The following CCDC27 variants were observed in gnomAD, a reference collection of about 807,000 sequenced individuals.
CCDC27 encodes coiled-coil domain-containing protein 27.
Under a neutral mutation model 80.3 loss-of-function variants are expected in CCDC27, and 80 were observed. The ratio of observed to expected loss-of-function variants is 1.00; its 90% CI spans 0.83 to 1.20. The LOEUF (loss-of-function observed/expected upper bound fraction) is 1.20. CCDC27 is among the 50% of genes most tolerant of loss of function. CCDC27 has a pLI of 0.00. For synonymous variants in CCDC27, 342 were observed against 334.3 expected (o/e 1.02, Z -0.25); for missense variants, 815 against 809.4 (o/e 1.01, Z -0.08).
rs1235445020 is a variant in CCDC27 at position 3,760,908 on chromosome 1, C to A, written c.712-373C>A. Among the ~76,000 whole-genome samples the A allele has an allele frequency of 6.6e-6, 1 of 152,136 alleles. No homozygotes were observed. Among genetic ancestry groups the A allele is most frequent in the Non-Finnish European group, 1.5e-5 (1 of 68,036 alleles). On this transcript the variant is annotated intron_variant, in intron 4 of 11. Transcript: ENST00000294600. The surrounding 1 kb of genome is among the most constrained non-coding windows in gnomAD (Gnocchi z 4.3). ...CCCTAGGGAAGCTTGGAGGGTGTTG[C>A]CGGTTAAGTGTCGGGGCTGCAAAGA... is the stretch of plus-strand genomic sequence containing the variant.
Position 3,763,284 on chromosome 1 carries a change from A to C in CCDC27, c.1131A>C (p.Glu377Asp), listed in dbSNP as rs184002848. The stretch of plus-strand genomic sequence containing the variant: ...GAAGCGAGGAGGAGGAAGAGGAGGA[A>C]GGGGACAGGGATGAGGACTCAGAGG... ...EEGSEEEEEEEGDRDEDSEER... is the reference protein window; with the variant it reads ...EEGSEEEEEEDGDRDEDSEER... Residue 377 changes from glutamate to aspartate, a missense_variant, in exon 7 of 12, where the codon GAA becomes GAC. Transcript: ENST00000294600. The surrounding 1 kb of genome is among the most constrained non-coding windows in gnomAD (Gnocchi z 7.5). 2.5e-6 allele frequency: 4 copies of C among 1,596,456 alleles called. No individual in the cohort carries two copies. In the East Asian group the frequency reaches 9.0e-5, roughly 36 times the overall value.
In CCDC27 at chr1:3,763,609, G is replaced by T; in HGVS notation, c.1322-97G>T. 1 of 1,573,816 alleles carries T rather than the reference G, an allele frequency of 6.4e-7. No individual in the cohort carries two copies. Among genetic ancestry groups the T allele is most frequent in the Non-Finnish European group, 8.7e-7 (1 of 1,153,158 alleles). ...GGTGTCGGCAGCCTCACCCAGGCTG[G>T]CAGAGCCCTCCCAGCTGCCGCAGTG... is the stretch of plus-strand genomic sequence containing the variant. On this transcript the variant is annotated intron_variant, in intron 7 of 11. Coordinates refer to ENST00000294600, the MANE Select transcript of CCDC27 (RefSeq NM_152492.3). The surrounding 1 kb of genome is among the most constrained non-coding windows in gnomAD (Gnocchi z 7.5).
intron 5 of CCDC27, among the ~76,000 whole-genome samples, chr1:3,762,334 A>G (rs1181881): frequency 0.4 from 61,344 of 152,022 alleles, 12,578 homozygotes; most frequent in Middle Eastern, 0.5. Context: ...TGACATGCAC[A>G]GTGGGCGTGT....
rs770270085 is a variant in CCDC27 at position 3,766,630 on chromosome 1, G to A, written c.1530+18G>A. ...TCCGACAGGTGACAGCCTGGGTGTCGTTAAATGATCAGCCAGGCCACTGTT... is the reference window on the plus strand; with the variant it reads ...TCCGACAGGTGACAGCCTGGGTGTCATTAAATGATCAGCCAGGCCACTGTT... On this transcript the variant is annotated intron_variant, in intron 9 of 11. Coordinates refer to ENST00000294600, the MANE Select transcript of CCDC27 (RefSeq NM_152492.3). The surrounding 1 kb of genome is among the most constrained non-coding windows in gnomAD (Gnocchi z 6.1). 73 of 1,599,228 alleles carry A rather than the reference G, an allele frequency of 4.6e-5. No individual in the cohort carries two copies. Among genetic ancestry groups the A allele is most frequent in the South Asian group, 3.6e-4 (33 of 90,516 alleles).
Position 3,760,994 on chromosome 1 carries a change from G to C in CCDC27, c.712-287G>C, listed in dbSNP as rs1274969048. On this transcript the variant is annotated intron_variant, in intron 4 of 11. Coordinates refer to ENST00000294600, the MANE Select transcript of CCDC27 (RefSeq NM_152492.3). The surrounding 1 kb of genome is among the most constrained non-coding windows in gnomAD (Gnocchi z 4.3). ...CACACCACGGGCCAGGTCCGAAAGG[G>C]AAGCTGCCTTGCAACTCCTCGGACG... Among the ~76,000 whole-genome samples the C allele has an allele frequency of 6.6e-6, 1 of 152,186 alleles. No homozygotes were observed. The highest frequency in any genetic ancestry group is 1.5e-5 in the Non-Finnish European group (1 of 68,028).
At chr1:3,770,878 G>A (rs1188457436) in intron 11 of CCDC27, among the ~76,000 whole-genome samples, 1 of 152,206 alleles carries the variant, frequency 6.6e-6, no homozygotes, top group African/African-American at 2.4e-5. Flanking sequence ...CCGCACAGTA[G>A]CCAGGGAAGA....
chr1:3,763,522 C>T lies in CCDC27; in HGVS notation c.1321+48C>T, dbSNP rs41300096. On this transcript the variant is annotated intron_variant, in intron 7 of 11. Transcript: ENST00000294600. The surrounding 1 kb of genome is among the most constrained non-coding windows in gnomAD (Gnocchi z 7.5). ...TGGGCTTTGGCCACTCAGTGGTTCC[C>T]GGCCCAGGAGCTGGGACGCCCAGAC... 0.01 allele frequency: 15,937 copies of T among 1,552,108 alleles called. 105 individuals are homozygous for T. The highest frequency in any genetic ancestry group is 0.013 in the Non-Finnish European group (14,404 of 1,148,634).
rs1481247406 is a variant in CCDC27 at position 3,758,283 on chromosome 1, G to A, written c.711+1393G>A. Reference sequence around the variant, plus strand: ...AGCTCGCTGCCACCTCTGCCTCCCGGGTTCAAGCAATTCTCCTGCCTCAGC... The same window carrying A: ...AGCTCGCTGCCACCTCTGCCTCCCGAGTTCAAGCAATTCTCCTGCCTCAGC... On this transcript the variant is annotated intron_variant, in intron 4 of 11. Transcript: ENST00000294600. Among the ~76,000 whole-genome samples, 20 of 151,970 alleles carry A rather than the reference G, an allele frequency of 1.3e-4. 1 individual carries two copies. The highest frequency in any genetic ancestry group is 1.3e-3 in the Admixed American group (20 of 15,278).
intron 6 of CCDC27, 46 bp downstream of exon 6, chr1:3,762,758 C>A: frequency 6.7e-7 from 1 of 1,497,956 alleles, no homozygotes; most frequent in Non-Finnish European, 9.1e-7. Context: ...GACCCGGGCC[C>A]AGGAGCCACC....
rs932424391 is a variant in CCDC27, at chr1:3,761,771, C to T, written c.861+341C>T. 7.2e-5 allele frequency among the ~76,000 whole-genome samples: 11 copies of T among 152,290 alleles called. No individual in the cohort carries two copies. The highest frequency in any genetic ancestry group is 2.6e-4 in the Admixed American group (4 of 15,294). ...TGAATGGGGCAAGGCACAACGCTGT[C>T]GGGGCTCAGGGTCCTTATCCATAAA... is the stretch of plus-strand genomic sequence containing the variant. On this transcript the variant is annotated intron_variant, in intron 5 of 11. Transcript: ENST00000294600. This position sits in a 1 kb window ranked among gnomAD's most constrained non-coding sequence, Gnocchi z 5.0.
Position 3,761,836 on chromosome 1 carries a change from G to T in CCDC27, c.861+406G>T, listed in dbSNP as rs1643094463. 6.6e-6 allele frequency among the ~76,000 whole-genome samples: 1 copy of T among 152,192 alleles called. No homozygotes were observed. The highest frequency in any genetic ancestry group is 2.1e-4 in the South Asian group (1 of 4,830). ...CACCTGTGAAATCCTGGGGCATGGA[G>T]GCCACCCTGCAGGCGGATTCCCCGG... On this transcript the variant is annotated intron_variant, in intron 5 of 11. Transcript: ENST00000294600. This position sits in a 1 kb window ranked among gnomAD's most constrained non-coding sequence, Gnocchi z 5.0.
intron 8 of CCDC27, among the ~76,000 whole-genome samples, chr1:3,764,499 A>G (rs6669358): frequency 0.29 from 44,324 of 151,908 alleles, 7,189 homozygotes; most frequent in African/African-American, 0.42. Flanking sequence ...CCGCCCCCCA[A>G]CACACACAAG....
rs778739204 is a variant in CCDC27, at chr1:3,763,521, C to T, written c.1321+47C>T. 6.4e-7 allele frequency: 1 copy of T among 1,553,230 alleles called. No homozygotes were observed. Among genetic ancestry groups the T allele is most frequent in the African/African-American group, 1.4e-5 (1 of 73,470 alleles). ...CTGGGCTTTGGCCACTCAGTGGTTC[C>T]CGGCCCAGGAGCTGGGACGCCCAGA... On this transcript the variant is annotated intron_variant, in intron 7 of 11. Transcript: ENST00000294600. This position sits in a 1 kb window ranked among gnomAD's most constrained non-coding sequence, Gnocchi z 7.5.
Position 3,771,619 on chromosome 1 carries a change from G to C in CCDC27, c.*96G>C, listed in dbSNP as rs1471975171. 7.2e-7 allele frequency: 1 copy of C among 1,387,286 alleles called. No homozygotes were observed. Among genetic ancestry groups the C allele is most frequent in the Non-Finnish European group, 9.9e-7 (1 of 1,010,560 alleles). The allele number at this position is 1,387,286 out of a possible 1,614,324, so 85.9% of individuals were successfully genotyped here. On this transcript the variant is annotated 3_prime_UTR_variant, in exon 12 of 12. Coordinates refer to ENST00000294600, the MANE Select transcript of CCDC27 (RefSeq NM_152492.3). ...ACCATGCGTCCTGCTCTCAGACTCA[G>C]AATTAAACCCCGGTGTTGGCACTGT...
chr1:3,766,156 G>T lies in CCDC27; in HGVS notation c.1453-379G>T, dbSNP rs1354246170. 6.6e-6 allele frequency among the ~76,000 whole-genome samples: 1 copy of T among 152,232 alleles called. No homozygotes were observed. The highest frequency in any genetic ancestry group is 1.5e-5 in the Non-Finnish European group (1 of 68,046). On this transcript the variant is annotated intron_variant, in intron 8 of 11. Coordinates refer to ENST00000294600, the MANE Select transcript of CCDC27 (RefSeq NM_152492.3). The surrounding 1 kb of genome is among the most constrained non-coding windows in gnomAD (Gnocchi z 6.1). The stretch of plus-strand genomic sequence containing the variant: ...GCTGGGATTACAGGTGTGAGCCACT[G>T]CACGTGGCCTAGGGCTCTTCATTTC...
At position 3,752,657 on chromosome 1, in the gene CCDC27, T is replaced by G. The variant is rs761751471; in HGVS notation, c.176T>G (p.Met59Arg). 4 of 1,613,984 alleles carry G rather than the reference T, an allele frequency of 2.5e-6. No homozygotes were observed. Among genetic ancestry groups the G allele is most frequent in the Non-Finnish European group, 3.4e-6 (4 of 1,180,010 alleles). ...EASPSQRHSS[M>R]SSSMARALVL... The stretch of plus-strand genomic sequence containing the variant: ...AGCCCATCTCAGAGGCACAGTTCGA[T>G]GTCCAGCTCGATGGCCAGGGCCCTG... Residue 59 changes from methionine to arginine, a missense_variant, in exon 1 of 12, where the codon ATG becomes AGG. Transcript: ENST00000294600.
chr1:3,754,186 C>G lies in CCDC27; in HGVS notation c.387C>G (p.Pro129=). The G allele has an allele frequency of 6.2e-7, 1 of 1,613,764 alleles. No homozygotes were observed. Among genetic ancestry groups the G allele is most frequent in the South Asian group, 1.1e-5 (1 of 91,052 alleles). ...MSKMELRRVF[P]THPDCPQFST... ...AAATGGAACTTCGAAGGGTCTTCCCCACGCATCCTGACTGCCCCCAGTTCA... is the reference window on the plus strand; with the variant it reads ...AAATGGAACTTCGAAGGGTCTTCCCGACGCATCCTGACTGCCCCCAGTTCA... The change falls in exon 2 of 12, where the codon CCC becomes CCG. Residue 129 remains proline, a synonymous_variant. Transcript: ENST00000294600.
intron 6 of CCDC27, 181 bp downstream of exon 6, chr1:3,762,893 G>A: frequency 1.3e-6 from 1 of 788,500 alleles, no homozygotes. Flanking sequence ...CACAGGTCAG[G>A]TGCAGTCTAC....
At chr1:3,767,518 C>T (rs2124597517) in intron 10 of CCDC27, 73 bp downstream of exon 10, 1 of 1,366,120 alleles carries the variant, frequency 7.3e-7, no homozygotes, top group African/African-American at 1.4e-5. Context: ...CTGCCCACCG[C>T]CCACCGAGGT....
Sources: allele counts gnomAD v4.1 joint callset (sites outside exome capture counted in the v4.1 genomes callset), GRCh38; gene constraint gnomAD v4.1.1; non-coding constraint Gnocchi (gnomAD v3.1); transcripts MANE v1.5; gene names NCBI Gene and HGNC (gene_info 2026-07-23, HGNC 2026-07-21).